ROBO2: variants seen among roughly 807,000 people sequenced by gnomAD.
ROBO2 encodes roundabout homolog 2.
ROBO2 carries 53 observed loss-of-function variants against 160.8 expected under a neutral mutation model. The observed-to-expected ratio is 0.33, with a 90% CI of 0.26 to 0.41. The LOEUF is 0.41. ROBO2 is among the 10% of genes least tolerant of loss of function. The probability of loss-of-function intolerance (pLI) is 1.00; values close to 1 mark genes in which losing one functional copy is unlikely to be tolerated. For synonymous variants in ROBO2, 664 were observed against 611.7 expected, an observed-to-expected ratio of 1.09 and a Z score of -1.26; for missense variants, 1,577 against 1,722.4, an observed-to-expected ratio of 0.92 and a Z score of 1.49.
chr3:76,279,099 A>G (rs1354677675), intron 2 of ROBO2, among the ~76,000 whole-genome samples: 2 of 151,378 alleles, frequency 1.3e-5, no homozygotes, highest in African/African-American at 4.8e-5. Context: ...ATATATACAC[A>G]TACATCAGAT....
chr3:76,955,209 G>C (rs6548464), intron 2 of ROBO2, among the ~76,000 whole-genome samples: 150,943 of 152,344 alleles, frequency 0.99, 74,784 homozygotes, highest in Middle Eastern at 1. Context: ...AACTTCATTT[G>C]TTTACTTGAC....
intron 2 of ROBO2, among the ~76,000 whole-genome samples, chr3:76,070,609 C>G (rs2068420387): frequency 6.6e-6 from 1 of 152,132 alleles, no homozygotes. Flanking sequence ...TTGTAAAGTA[C>G]TTGATGTCTG....
At chr3:77,559,896 T>C (rs775771) in intron 9 of ROBO2, among the ~76,000 whole-genome samples, 85,030 of 151,858 alleles carry the variant, frequency 0.56, 23,883 homozygotes, top group Middle Eastern at 0.68. Flanking sequence ...AGTAAATTAA[T>C]ACAGATATTT....
rs116202003 is a variant in ROBO2, at chr3:77,395,086, G to A, written c.389-82328G>A. On this transcript the variant is annotated intron_variant, in intron 2 of 25. Transcript: ENST00000461745. The stretch of plus-strand genomic sequence containing the variant: ...AATTTTATTTGTATAGATGCATAAC[G>A]GAAGAGTTCAGAGCGTAATGCAGTA... 6.0e-3 allele frequency among the ~76,000 whole-genome samples: 907 copies of A among 152,142 alleles called. 6 individuals carry two copies. The highest frequency in any genetic ancestry group is 0.021 in the African/African-American group (861 of 41,494).
At chr3:76,775,761 C>CTTAT (rs202010934) in intron 2 of ROBO2, among the ~76,000 whole-genome samples, 1 of 150,350 alleles carries the variant, frequency 6.7e-6, no homozygotes, top group Admixed American at 6.7e-5. Context: ...TTCACTCTTA[C>CTTAT]TAAGCCTTCA....
chr3:77,237,555 G>A (rs2088258208), intron 2 of ROBO2, among the ~76,000 whole-genome samples: 1 of 151,882 alleles, frequency 6.6e-6, no homozygotes, highest in African/African-American at 2.4e-5. Flanking sequence ...ATGAACCACT[G>A]CACCTGGTGA....
At chr3:76,972,844 C>T (rs2149289567) in intron 2 of ROBO2, among the ~76,000 whole-genome samples, 1 of 152,142 alleles carries the variant, frequency 6.6e-6, no homozygotes, top group South Asian at 2.1e-4. Flanking sequence ...CAGAGAAATA[C>T]ATAAATAAAT....
chr3:76,689,950 C>T (rs1469459633), intron 2 of ROBO2, among the ~76,000 whole-genome samples: 1 of 152,124 alleles, frequency 6.6e-6, no homozygotes, highest in Non-Finnish European at 1.5e-5. Context: ...CCATTTTACT[C>T]CCTCCTCCTT....
intron 2 of ROBO2, among the ~76,000 whole-genome samples, chr3:76,711,104 T>C (rs2093283881): frequency 6.6e-6 from 1 of 152,178 alleles, no homozygotes; most frequent in Non-Finnish European, 1.5e-5. Context: ...TAGTCCATTC[T>C]CAAATGCTAT....
exon 21 of ROBO2, chr3:77,607,798 G>C: frequency 6.2e-7 from 1 of 1,613,258 alleles, no homozygotes; most frequent in Non-Finnish European, 8.5e-7. Flanking sequence ...TTACTTTCAG[G>C]TGGGAAAGGT....
At chr3:77,420,329 C>T (rs1235482476) in intron 2 of ROBO2, among the ~76,000 whole-genome samples, 1 of 151,280 alleles carries the variant, frequency 6.6e-6, no homozygotes, top group Non-Finnish European at 1.5e-5. Context: ...TCTAAAAAGC[C>T]TGAATGTGTG....
rs143717173 is a variant in ROBO2, at chr3:76,143,290, G to A, written c.109+205688G>A. ...AAGGAGTCGTCTCTCCTCTGCCTCC[G>A]AAAGTGTTGGAATTACAGGTATGAG... On this transcript the variant is annotated intron_variant, in intron 2 of 26. Coordinates refer to the ROBO2 transcript ENST00000487694. 3.7e-3 allele frequency among the ~76,000 whole-genome samples: 569 copies of A among 152,058 alleles called. 2 individuals are homozygous for A. The highest frequency in any genetic ancestry group is 0.013 in the African/African-American group (533 of 41,500).
At chr3:77,241,644 A>G (rs981637018) in intron 2 of ROBO2, among the ~76,000 whole-genome samples, 2 of 152,202 alleles carry the variant, frequency 1.3e-5, no homozygotes, top group South Asian at 2.1e-4. Context: ...TATGAACCCC[A>G]ATTGGCAGAG....
At chr3:76,199,613 T>C (rs1231713385) in intron 2 of ROBO2, among the ~76,000 whole-genome samples, 2 of 152,116 alleles carry the variant, frequency 1.3e-5, no homozygotes, top group Non-Finnish European at 2.9e-5. Context: ...AATAGAAACC[T>C]GACCCACAAA....
intron 2 of ROBO2, among the ~76,000 whole-genome samples, chr3:77,305,081 C>T (rs1296789583): frequency 1.3e-5 from 2 of 152,094 alleles, no homozygotes; most frequent in African/African-American, 4.8e-5. Flanking sequence ...ATTTGTTGGC[C>T]TCAATGAGTT....
At chr3:77,103,266 T>C (rs935740331) in intron 2 of ROBO2, among the ~76,000 whole-genome samples, 1 of 152,184 alleles carries the variant, frequency 6.6e-6, no homozygotes, top group Admixed American at 6.5e-5. Context: ...CATGAAAAAT[T>C]GATGAAGTCC....
chr3:76,476,798 A>G (rs1221285789), intron 2 of ROBO2, among the ~76,000 whole-genome samples: 1 of 152,090 alleles, frequency 6.6e-6, no homozygotes, highest in African/African-American at 2.4e-5. Flanking sequence ...ATCTTTACCA[A>G]ACGAGATTTG....
At chr3:77,646,993 T>A (rs2095416868) in exon 26 of ROBO2, 2 of 152,596 alleles carry the variant, frequency 1.3e-5, no homozygotes, top group African/African-American at 4.8e-5. Flanking sequence ...GTAATTAAGC[T>A]CTCCAACTCG....
chr3:77,459,818 C>G (rs1423665479), intron 2 of ROBO2, among the ~76,000 whole-genome samples: 1 of 151,570 alleles, frequency 6.6e-6, no homozygotes, highest in Non-Finnish European at 1.5e-5. Flanking sequence ...AAGAAAAAGG[C>G]CAGCATGGTT....
Sources: gnomAD v4.1 joint callset for allele counts (sites outside exome capture counted in the v4.1 genomes callset) on GRCh38, gnomAD v4.1.1 for gene constraint, MANE v1.5 for transcripts, NCBI Gene and HGNC (gene_info 2026-07-23, HGNC 2026-07-21) for gene names.